Variants in AGBL1 observed in about 807,000 individuals in gnomAD.
AGBL1 encodes cytosolic carboxypeptidase 4.
A neutral mutation model predicts 118.9 loss-of-function variants in AGBL1; 130 were observed. The ratio of observed to expected loss-of-function variants is 1.09; its 90% CI spans 0.95 to 1.26. The LOEUF (loss-of-function observed/expected upper bound fraction) is 1.26. AGBL1 is among the 50% of genes most tolerant of loss of function. The probability of loss-of-function intolerance (pLI) is 0.00; values close to 1 mark genes in which losing one functional copy is unlikely to be tolerated. For missense variants in AGBL1, 1,584 were observed against 1,298.1 expected (o/e 1.22, Z -3.38); for synonymous variants, 555 against 478.9 (o/e 1.16, Z -2.08).
At chr15:86,509,946 A>AATT (rs2083032979) in intron 18 of AGBL1, among the ~76,000 whole-genome samples, 1 of 142,874 alleles carries the variant, frequency 7.0e-6, no homozygotes, top group Non-Finnish European at 1.5e-5. Context: ...GCTGAAGCTC[A>AATT]TTTTTTTTTT....
At chr15:86,418,804 ATCAT>A (rs1486778214) in intron 18 of AGBL1, among the ~76,000 whole-genome samples, 1 of 152,092 alleles carries the variant, frequency 6.6e-6, no homozygotes, top group Non-Finnish European at 1.5e-5. Flanking sequence ...CTCAGAATAG[ATCAT>A]TCATCATGCT....
chr15:86,149,352 G>C (rs1163814168), intron 3 of AGBL1, among the ~76,000 whole-genome samples: 3 of 152,112 alleles, frequency 2.0e-5, no homozygotes, highest in African/African-American at 7.2e-5. Flanking sequence ...AAAGAGTCAA[G>C]ATCCATCAGA....
intron 21 of AGBL1, among the ~76,000 whole-genome samples, chr15:86,580,612 CAG>C (rs1402074730): frequency 6.6e-6 from 1 of 151,908 alleles, no homozygotes; most frequent in Non-Finnish European, 1.5e-5. Flanking sequence ...TAACTGAGTA[CAG>C]AGTGATATTT....
At chr15:86,569,155 G>T (rs1345282936) in intron 21 of AGBL1, among the ~76,000 whole-genome samples, 3 of 152,098 alleles carry the variant, frequency 2.0e-5, no homozygotes, top group Non-Finnish European at 4.4e-5. Context: ...GATGCTGCTG[G>T]GCGCAATGGC....
intron 4 of AGBL1, among the ~76,000 whole-genome samples, chr15:86,158,525 G>A (rs377135473): frequency 3.9e-5 from 6 of 152,356 alleles, no homozygotes; most frequent in African/African-American, 1.4e-4. Flanking sequence ...TACTGGGAAT[G>A]TTGGAGAGAC....
At chr15:86,644,064 A>G (rs1163771944) in intron 21 of AGBL1, among the ~76,000 whole-genome samples, 6 of 152,216 alleles carry the variant, frequency 3.9e-5, no homozygotes, top group Admixed American at 2.6e-4. Context: ...TTTAACGTTT[A>G]AGTGGTATAA....
At chr15:86,121,183 C>T (rs933376809) in intron 1 of AGBL1, among the ~76,000 whole-genome samples, 1 of 152,196 alleles carries the variant, frequency 6.6e-6, no homozygotes, top group African/African-American at 2.4e-5. Flanking sequence ...CAGGTGTGAA[C>T]CGCTGTGCCT....
intron 16 of AGBL1, among the ~76,000 whole-genome samples, chr15:86,286,727 T>TTGTGTGTG: frequency 1.2e-5 from 1 of 80,472 alleles, no homozygotes; most frequent in African/African-American, 6.5e-5. Context: ...GTGTGTGTGT[T>TTGTGTGTG]TGTGTGTGTA....
At position 86,108,992 on chromosome 15, in the gene AGBL1, A is replaced by AG. The variant is rs530031934; in HGVS notation, c.51+28973dup. Among the ~76,000 whole-genome samples, 13 of 152,228 alleles carry AG rather than the reference A, an allele frequency of 8.5e-5. No individual in the cohort carries two copies. The South Asian group carries it at 2.7e-3, about 32-fold the overall frequency. ...ACAATCAAACAAACAAAATCAAGGA[A>AG]GGGGAGCATGTTGAAGTGAGAATAT... On this transcript the variant is annotated intron_variant, in intron 1 of 22. Coordinates refer to ENST00000614907, the MANE Select transcript of AGBL1 (RefSeq NM_001386094.1).
intron 22 of AGBL1, among the ~76,000 whole-genome samples, chr15:86,824,652 T>A (rs1012851371): frequency 1.3e-5 from 2 of 151,992 alleles, no homozygotes; most frequent in Non-Finnish European, 2.9e-5. Context: ...AAAAATATAG[T>A]GAGATGAATC....
intron 16 of AGBL1, among the ~76,000 whole-genome samples, chr15:86,280,203 A>G (rs1288174273): frequency 1.3e-5 from 2 of 152,224 alleles, no homozygotes; most frequent in Non-Finnish European, 2.9e-5. Context: ...AGGAAGGTAG[A>G]TCTTGGGAAA....
chr15:86,109,159 A>G (rs1417679227), intron 1 of AGBL1, among the ~76,000 whole-genome samples: 1 of 152,236 alleles, frequency 6.6e-6, no homozygotes, highest in African/African-American at 2.4e-5. Flanking sequence ...CTCATTAAAT[A>G]TTACTATTAA....
At chr15:86,574,131 G>T (rs2084049037) in intron 21 of AGBL1, among the ~76,000 whole-genome samples, 1 of 152,228 alleles carries the variant, frequency 6.6e-6, no homozygotes, top group Non-Finnish European at 1.5e-5. Context: ...AAGCAGTCAA[G>T]GAGGTCCACT....
intron 22 of AGBL1, among the ~76,000 whole-genome samples, chr15:86,782,443 A>T (rs903809570): frequency 1.3e-5 from 2 of 152,168 alleles, no homozygotes; most frequent in African/African-American, 2.4e-5. Context: ...ACTATTTCTC[A>T]TTTCTAAAAT....
rs2079038178 is a variant in AGBL1 at position 86,827,443 on chromosome 15, GTGTGTGTATATATATATATA to G, written c.3159-79642_3159-79623del. On this transcript the variant is annotated intron_variant, in intron 22 of 22. Transcript: ENST00000614907. ...TATATATATATACACATATATATAT[GTGTGTGTATATATATATATA>G]TATATACATATATATATATATGTGT... Among the ~76,000 whole-genome samples the G allele has an allele frequency of 4.4e-4, 2 of 4,552 alleles. 1 individual carries two copies. The highest frequency in any genetic ancestry group is 7.8e-4 in the Non-Finnish European group (2 of 2,552). 3.0% of individuals were successfully genotyped at this position (4,552 alleles called of 152,430 possible).
Position 86,760,414 on chromosome 15 carries a change from A to G in AGBL1, c.3158+85978A>G, listed in dbSNP as rs1596457423. On this transcript the variant is annotated intron_variant, in intron 22 of 22. Transcript: ENST00000614907. ...CTACTTGCCCATTCGTCATTCCCCA[A>G]TCCCTAGATTCCCCTAGACCATTAA... Among the ~76,000 whole-genome samples, 4 of 152,100 alleles carry G rather than the reference A, an allele frequency of 2.6e-5. 1 individual carries two copies.
At chr15:86,802,707 T>C (rs923644763) in intron 22 of AGBL1, among the ~76,000 whole-genome samples, 9 of 152,162 alleles carry the variant, frequency 5.9e-5, no homozygotes, top group African/African-American at 2.2e-4. Flanking sequence ...ATCTCAATAT[T>C]GTGCTATAAA....
intron 22 of AGBL1, among the ~76,000 whole-genome samples, chr15:86,903,518 C>A (rs1278486279): frequency 6.6e-6 from 1 of 152,150 alleles, no homozygotes; most frequent in South Asian, 2.1e-4. Context: ...TTGCTGTTGG[C>A]ATGTCTTGAT....
chr15:86,593,177 T>C (rs2084361535), intron 21 of AGBL1, among the ~76,000 whole-genome samples: 1 of 152,208 alleles, frequency 6.6e-6, no homozygotes, highest in Non-Finnish European at 1.5e-5. Flanking sequence ...TTTTTCCTTT[T>C]GACATGTCCT....
Sources: gnomAD v4.1 joint callset for allele counts (sites outside exome capture counted in the v4.1 genomes callset) on GRCh38, gnomAD v4.1.1 for gene constraint, MANE v1.5 for transcripts, NCBI Gene and HGNC (gene_info 2026-07-23, HGNC 2026-07-21) for gene names.